The following PRELID2 variants were observed in gnomAD, a reference collection of about 807,000 sequenced individuals.
The protein encoded by PRELID2 is PRELI domain containing 2.
In PRELID2, 25 loss-of-function variants were observed where a neutral mutation model predicts 28.4. The ratio of observed to expected loss-of-function variants is 0.88; its 90% CI spans 0.64 to 1.23. The LOEUF (loss-of-function observed/expected upper bound fraction) is 1.23, where lower values mean the gene tolerates loss of function less well. PRELID2 is among the 50% of genes most tolerant of loss of function. The pLI, the probability that PRELID2 is intolerant of heterozygous loss-of-function variation, is 0.00. For missense variants in PRELID2, 201 were observed against 214.4 expected (o/e 0.94, Z 0.39); for synonymous variants, 76 against 71.6 (o/e 1.06, Z -0.31).
At position 145,519,855 on chromosome 5, in the gene PRELID2, T is replaced by G. The variant is rs185301212; in HGVS notation, n.71-46540A>C. Among the ~76,000 whole-genome samples, 29 of 152,374 alleles carry G rather than the reference T, an allele frequency of 1.9e-4. No homozygotes were observed. The East Asian group carries it at 3.3e-3, about 17-fold the overall frequency. On this transcript the variant is annotated intron_variant and non_coding_transcript_variant, in intron 1 of 2. Transcript: ENST00000510259. Reference sequence around the variant, plus strand: ...AAACGGGAGGTGCTAGGTTAGCCTCTGCCCTAAAGAATTAGTCTAAAATTA... The same window carrying G: ...AAACGGGAGGTGCTAGGTTAGCCTCGGCCCTAAAGAATTAGTCTAAAATTA...
rs80095075 is a variant in PRELID2, at chr5:145,774,382, G to A, written c.475-9382C>T. ...GTTTCTGTGCCTGAAAATGTGTAGA[G>A]GGAAGAGAATAAGTACACTTCACTG... On this transcript the variant is annotated intron_variant, in intron 5 of 6. Coordinates refer to ENST00000683046, the MANE Select transcript of PRELID2 (RefSeq NM_205846.3). 6.7e-3 allele frequency among the ~76,000 whole-genome samples: 1,017 copies of A among 152,284 alleles called. 21 individuals are homozygous for A. Among genetic ancestry groups the A allele is most frequent in the African/African-American group, 0.023 (966 of 41,554 alleles).
In PRELID2 at chr5:145,604,882, C is replaced by CATATATATAT. The variant is rs35401852; in HGVS notation, n.71-131577_71-131568dup. 8.1e-4 allele frequency among the ~76,000 whole-genome samples: 94 copies of CATATATATAT among 116,138 alleles called. 1 individual carries two copies. In the East Asian group the frequency reaches 9.9e-3, roughly 12 times the overall value. The allele number at this position is 116,138 out of a possible 152,430, so 76.2% of individuals were successfully genotyped here. A position where few individuals can be genotyped will look rare whatever the true frequency, so the allele number is the denominator to read the frequency against. Reference sequence around the variant, plus strand: ...ACCATATTTTAATATGCTTGTTGGCCATATATATATATATATATATATTCT... The same window carrying CATATATATAT: ...ACCATATTTTAATATGCTTGTTGGCCATATATATATATATATATATATATATATATATTCT... On this transcript the variant is annotated intron_variant and non_coding_transcript_variant, in intron 1 of 2. Coordinates refer to the PRELID2 transcript ENST00000510259.
intron 1 of PRELID2, among the ~76,000 whole-genome samples, chr5:145,661,265 C>T (rs915275537): frequency 6.6e-6 from 1 of 152,098 alleles, no homozygotes; most frequent in African/African-American, 2.4e-5. Flanking sequence ...GTATACAAGG[C>T]CTGCTTTTCC....
intron 1 of PRELID2, among the ~76,000 whole-genome samples, chr5:145,492,226 G>A (rs893728230): frequency 3.3e-5 from 5 of 152,166 alleles, no homozygotes; most frequent in African/African-American, 4.8e-5. Context: ...GATACAAGAT[G>A]TGAGGTGGTA....
chr5:145,376,220 A>G, the PRELID2 span, among the ~76,000 whole-genome samples: 220 of 152,286 alleles, frequency 1.4e-3, 1 homozygote, highest in African/African-American at 5.2e-3. Context: ...ATGTTGAACT[A>G]TCCTTGCATT....
the PRELID2 span, among the ~76,000 whole-genome samples, chr5:145,391,190 G>C: frequency 6.6e-6 from 1 of 152,264 alleles, no homozygotes; most frequent in African/African-American, 2.4e-5. Context: ...AAAATTCTGA[G>C]GTTCTCCATC....
At position 145,492,967 on chromosome 5, in the gene PRELID2, G is replaced by T. The variant is rs572698660; in HGVS notation, n.71-19652C>A. Among the ~76,000 whole-genome samples the T allele has an allele frequency of 1.6e-4, 23 of 140,614 alleles. 2 individuals carry two copies. The highest frequency in any genetic ancestry group is 3.2e-5 in the Non-Finnish European group (2 of 62,492). 92.2% of individuals were successfully genotyped at this position (140,614 alleles called of 152,430 possible). The stretch of plus-strand genomic sequence containing the variant: ...GCCCAGTGTTGGGGTAAAAGTCAAT[G>T]TTCTGTATTCACTTCCCTCTCTTTG... On this transcript the variant is annotated intron_variant and non_coding_transcript_variant, in intron 1 of 2. Transcript: ENST00000510259.
In PRELID2 at chr5:145,749,081, A is replaced by C. The variant is rs181769496; in HGVS notation, n.70+15850T>G. Among the ~76,000 whole-genome samples, 31 of 152,252 alleles carry C rather than the reference A, an allele frequency of 2.0e-4. No homozygotes were observed. The East Asian group carries it at 3.1e-3, about 15-fold the overall frequency. ...TAGGCGTGGGCAGAGACTTCATGACAAAAACAGCAAAATCAATTGCAACAA... is the reference window on the plus strand; with the variant it reads ...TAGGCGTGGGCAGAGACTTCATGACCAAAACAGCAAAATCAATTGCAACAA... On this transcript the variant is annotated intron_variant and non_coding_transcript_variant, in intron 1 of 2. Transcript: ENST00000510259.
chr5:145,714,610 T>C (rs902776495), intron 1 of PRELID2, among the ~76,000 whole-genome samples: 1 of 152,174 alleles, frequency 6.6e-6, no homozygotes, highest in Non-Finnish European at 1.5e-5. Context: ...TTCATATATT[T>C]TACCTCATTT....
At chr5:145,240,398 T>A in the PRELID2 span, among the ~76,000 whole-genome samples, 3 of 151,952 alleles carry the variant, frequency 2.0e-5, no homozygotes, top group African/African-American at 7.2e-5. Flanking sequence ...AAATATACAC[T>A]TTTTAAACAA....
At chr5:145,654,917 G>A (rs1226536527) in intron 1 of PRELID2, among the ~76,000 whole-genome samples, 5 of 152,022 alleles carry the variant, frequency 3.3e-5, no homozygotes, top group Admixed American at 3.3e-4. Flanking sequence ...GGCAGGAGAA[G>A]GAAATAAAGG....
At chr5:145,522,691 A>G (rs893674996) in intron 1 of PRELID2, among the ~76,000 whole-genome samples, 1 of 152,104 alleles carries the variant, frequency 6.6e-6, no homozygotes, top group Non-Finnish European at 1.5e-5. Context: ...ATTTCAAACC[A>G]CACGACATTG....
chr5:145,347,930 T>C, the PRELID2 span, among the ~76,000 whole-genome samples: 1 of 152,120 alleles, frequency 6.6e-6, no homozygotes, highest in Admixed American at 6.6e-5. Flanking sequence ...GGAAAGACGC[T>C]TTACCATTTT....
At chr5:145,542,708 A>G (rs1752753236) in intron 1 of PRELID2, among the ~76,000 whole-genome samples, 1 of 152,022 alleles carries the variant, frequency 6.6e-6, no homozygotes, top group Admixed American at 6.6e-5. Flanking sequence ...GCTCTCCTCC[A>G]TTAAAAACTG....
chr5:145,584,874 T>C (rs1753139450), intron 1 of PRELID2, among the ~76,000 whole-genome samples: 1 of 152,186 alleles, frequency 6.6e-6, no homozygotes, highest in Non-Finnish European at 1.5e-5. Flanking sequence ...GAAGACAGTG[T>C]GGAAACTCTT....
the PRELID2 span, among the ~76,000 whole-genome samples, chr5:145,440,266 C>T: frequency 1.3e-5 from 2 of 152,072 alleles, no homozygotes; most frequent in South Asian, 4.1e-4. Context: ...AGAGCCTTCC[C>T]CAAACATCTT....
rs139987002 is a variant in PRELID2 at position 145,660,322 on chromosome 5, C to G, written n.70+104609G>C. Among the ~76,000 whole-genome samples the G allele has an allele frequency of 1.9e-3, 282 of 152,246 alleles. 2 individuals are homozygous for G. The highest frequency in any genetic ancestry group is 0.013 in the East Asian group (66 of 5,170). On this transcript the variant is annotated intron_variant and non_coding_transcript_variant, in intron 1 of 2. Transcript: ENST00000510259. Reference sequence around the variant, plus strand: ...TGTTGAATTCCATCATCTCCACAGCCCTTTCTAGCTCGATGCTCCAAATTG... The same window carrying G: ...TGTTGAATTCCATCATCTCCACAGCGCTTTCTAGCTCGATGCTCCAAATTG...
chr5:145,468,986 TA>T (rs1262564677), downstream of PRELID2, among the ~76,000 whole-genome samples: 6 of 152,168 alleles, frequency 3.9e-5, no homozygotes, highest in Non-Finnish European at 7.4e-5. Context: ...ATGAAGTCCT[TA>T]TTTTATTTTT....
At chr5:145,494,431 C>T (rs1180819583) in intron 1 of PRELID2, among the ~76,000 whole-genome samples, 2 of 152,116 alleles carry the variant, frequency 1.3e-5, no homozygotes, top group East Asian at 1.9e-4. Context: ...ATTAATAAAA[C>T]GTTTCAACTT....
Sources: gnomAD v4.1 joint callset for allele counts (sites outside exome capture counted in the v4.1 genomes callset) on GRCh38, gnomAD v4.1.1 for gene constraint, MANE v1.5 for transcripts, NCBI Gene and HGNC (gene_info 2026-07-23, HGNC 2026-07-21) for gene names.